Variants in DHX34 observed in about 807,000 individuals in gnomAD.
DHX34 encodes the protein DExH-box helicase 34, also known as probable ATP-dependent RNA helicase DHX34.
In DHX34, 96 loss-of-function variants were observed where a neutral mutation model predicts 111.1. That is an observed-to-expected ratio of 0.86 (90% CI 0.73 to 1.02). The LOEUF (loss-of-function observed/expected upper bound fraction) is 1.02. Ranked by LOEUF, DHX34 falls within the 50% of genes least tolerant of loss-of-function variation. DHX34 has a pLI of 0.00. For missense variants in DHX34, 1,560 were observed against 1,579.9 expected, an observed-to-expected ratio of 0.99 and a Z score of 0.21; for synonymous variants, 688 against 670.4, an observed-to-expected ratio of 1.03 and a Z score of -0.41.
chr19:47,369,974 C>A (rs1969915804), intron 7 of DHX34, among the ~76,000 whole-genome samples: 2 of 152,086 alleles, frequency 1.3e-5, no homozygotes, highest in Non-Finnish European at 1.5e-5. Context: ...TCCTCGTCCC[C>A]ACGCTGTGTC....
In DHX34 at chr19:47,360,669, T is replaced by TTTGTTG. The variant is rs58164248; in HGVS notation, c.1375+629_1375+634dup. Among the ~76,000 whole-genome samples, 944 of 149,112 alleles carry TTTGTTG rather than the reference T, an allele frequency of 6.3e-3. 10 individuals carry two copies. Among genetic ancestry groups the TTTGTTG allele is most frequent in the African/African-American group, 0.018 (704 of 39,306 alleles). ...TCATATGAGGGGGATTGACATTCTG[T>TTTGTTG]TTGTTGTTGTTGTTGTTGTTGTTGT... On this transcript the variant is annotated intron_variant, in intron 5 of 16. Coordinates refer to ENST00000328771, the MANE Select transcript of DHX34 (RefSeq NM_014681.6).
chr19:47,371,979 G>A (rs1292925906), intron 7 of DHX34, among the ~76,000 whole-genome samples: 1 of 151,322 alleles, frequency 6.6e-6, no homozygotes, highest in African/African-American at 2.4e-5. Flanking sequence ...GCGTCAGCTC[G>A]GGCGCCCAGA....
chr19:47,363,372 T>G (rs1969693987), intron 6 of DHX34, among the ~76,000 whole-genome samples: 1 of 150,256 alleles, frequency 6.7e-6, no homozygotes, highest in African/African-American at 2.4e-5. Context: ...ATTACAGCCA[T>G]GAGCCATTGT....
chr19:47,373,807 C>T, intron 9 of DHX34, 107 bp downstream of exon 9: 1 of 1,355,014 alleles, frequency 7.4e-7, no homozygotes, highest in Non-Finnish European at 1.0e-6. Flanking sequence ...ACCAGAATCC[C>T]ACCCTGCACC....
At position 47,372,794 on chromosome 19, in the gene DHX34, A is replaced by G. The variant is rs1245181796; in HGVS notation, c.1833A>G (p.Ala611=). Residue 611 remains alanine, a synonymous_variant, in exon 8 of 17, where the codon GCA becomes GCG. Coordinates refer to ENST00000328771, the MANE Select transcript of DHX34 (RefSeq NM_014681.6). ...LVEPVLTIAA[A]LSVQSPFTRS... ...AGCCTGTGCTCACCATCGCAGCCGC[A>G]CTTAGCGTCCAGTCGCCCTTCACCC... The G allele has an allele frequency of 3.1e-6, 5 of 1,612,688 alleles. No homozygotes were observed. The highest frequency in any genetic ancestry group is 1.7e-6 in the Non-Finnish European group (2 of 1,179,428).
intron 5 of DHX34, among the ~76,000 whole-genome samples, chr19:47,360,323 T>C (rs1331679134): frequency 6.6e-6 from 1 of 152,216 alleles, no homozygotes; most frequent in Admixed American, 6.5e-5. Flanking sequence ...GAGCATTTCA[T>C]TGGAGGGTCA....
Position 47,377,200 on chromosome 19 carries a change from C to G in DHX34, c.2700C>G (p.Ala900=), listed in dbSNP as rs368774474. 6.2e-7 allele frequency: 1 copy of G among 1,613,162 alleles called. No homozygotes were observed. The highest frequency in any genetic ancestry group is 8.5e-7 in the Non-Finnish European group (1 of 1,179,660). The change falls in exon 13 of 17, where the codon GCC becomes GCG. Residue 900 remains alanine, a synonymous_variant. Transcript: ENST00000328771. ...TGGTGAACTGCGTCCGCATCCCTGC[C>G]CTCCAGGTGGGCCTCTGCCCCACCC... ...PYLVNCVRIP[A]LQSLLLFSRS...
At position 47,379,691 on chromosome 19, in the gene DHX34, T is replaced by A; in HGVS notation, c.2707-19T>A. On this transcript the variant is annotated intron_variant, in intron 13 of 16. Coordinates refer to ENST00000328771, the MANE Select transcript of DHX34 (RefSeq NM_014681.6). ...TGCCCCTCCCACCTACTCCCTGTCT[T>A]CTGCCCCCTCTCTTTCAGTCCCTCC... 1 of 1,582,048 alleles carries A rather than the reference T, an allele frequency of 6.3e-7. No homozygotes were observed. Among genetic ancestry groups the A allele is most frequent in the Non-Finnish European group, 8.6e-7 (1 of 1,156,688 alleles).
chr19:47,360,120 A>G (rs1969583752), intron 5 of DHX34, 50 bp downstream of exon 5: 2 of 1,578,386 alleles, frequency 1.3e-6, no homozygotes, highest in Non-Finnish European at 1.7e-6. Flanking sequence ...ACTTAGGAGC[A>G]TGGGGTCCGG....
intron 6 of DHX34, among the ~76,000 whole-genome samples, chr19:47,365,025 C>T (rs1338614464): frequency 6.6e-6 from 1 of 152,060 alleles, no homozygotes; most frequent in Admixed American, 6.6e-5. Context: ...CTAGACTCCT[C>T]TGGCCAGTCT....
chr19:47,364,608 G>GGCACACACCTGTGGTCCCAC (rs1329904694), intron 6 of DHX34, among the ~76,000 whole-genome samples: 2 of 151,924 alleles, frequency 1.3e-5, no homozygotes, highest in African/African-American at 4.8e-5. Context: ...CCAGTGTGAT[G>GGCACACACCTGTGGTCCCAC]GCACACACCT....
At chr19:47,351,065 A>T (rs187846694) in intron 1 of DHX34, among the ~76,000 whole-genome samples, 24 of 152,250 alleles carry the variant, frequency 1.6e-4, no homozygotes, top group Middle Eastern at 3.4e-3. Context: ...CAGACAATCT[A>T]GAAGCCAAAA....
chr19:47,374,280 T>C (rs1970063786), intron 9 of DHX34, among the ~76,000 whole-genome samples: 1 of 151,656 alleles, frequency 6.6e-6, no homozygotes, highest in African/African-American at 2.4e-5. Context: ...CTTCTAAAAA[T>C]ACAAAAATTA....
At position 47,373,505 on chromosome 19, in the gene DHX34, G is replaced by C. The variant is rs1003339615; in HGVS notation, c.1963-94G>C. The C allele has an allele frequency of 7.3e-6, 11 of 1,511,358 alleles. No individual in the cohort carries two copies. In the Admixed American group the frequency reaches 1.0e-4, roughly 14 times the overall value. The allele number at this position is 1,511,358 out of a possible 1,614,324, so 93.6% of individuals were successfully genotyped here. On this transcript the variant is annotated intron_variant, in intron 8 of 16. Coordinates refer to ENST00000328771, the MANE Select transcript of DHX34 (RefSeq NM_014681.6). ...GAAGCAGGAGAGCAGGTGTCCCTGA[G>C]GGATGCCCATTTTGGGGCTCTGGGT... is the stretch of plus-strand genomic sequence containing the variant.
chr19:47,360,339 G>A (rs1387669168), intron 5 of DHX34, among the ~76,000 whole-genome samples: 1 of 152,196 alleles, frequency 6.6e-6, no homozygotes, highest in Non-Finnish European at 1.5e-5. Context: ...GGTCACGTTA[G>A]TGCTGAAAAC....
chr19:47,357,746 C>T (rs1474966587), intron 3 of DHX34, 120 bp from the exon 4 acceptor site: 10 of 1,455,652 alleles, frequency 6.9e-6, no homozygotes, highest in Middle Eastern at 2.4e-4. Context: ...AGCCTGGACC[C>T]GTTGCACTGT....
At position 47,358,124 on chromosome 19, in the gene DHX34, T is replaced by C; in HGVS notation, c.1272+4T>C. On this transcript the variant is annotated splice_donor_region_variant and intron_variant, in intron 4 of 16. Transcript: ENST00000328771. Reference sequence around the variant, plus strand: ...GTCTGTGGCCGACCAGGACAAGGTATCACAGGAAGCCCGAGTGGGGCAGGC... The same window carrying C: ...GTCTGTGGCCGACCAGGACAAGGTACCACAGGAAGCCCGAGTGGGGCAGGC... 1 of 1,600,978 alleles carries C rather than the reference T, an allele frequency of 6.2e-7. No homozygotes were observed. The highest frequency in any genetic ancestry group is 8.5e-7 in the Non-Finnish European group (1 of 1,169,854).
At chr19:47,375,766 T>TG (rs11452607) in intron 10 of DHX34, 58 bp downstream of exon 10, 82 of 1,558,386 alleles carry the variant, frequency 5.3e-5, no homozygotes, top group Admixed American at 1.6e-4. Flanking sequence ...TGGCCTCTCC[T>TG]GGGGGGGTCC....
In DHX34 at chr19:47,376,490, C is replaced by T. The variant is rs749568890; in HGVS notation, c.2529C>T (p.Cys843=). 1.5e-5 allele frequency: 24 copies of T among 1,608,490 alleles called. No homozygotes were observed. The highest frequency in any genetic ancestry group is 3.3e-5 in the South Asian group (3 of 90,102). Residue 843 remains cysteine (C), a synonymous_variant, in exon 12 of 17, where the codon TGC becomes TGT. Coordinates refer to ENST00000328771, the MANE Select transcript of DHX34 (RefSeq NM_014681.6). ...AGGGCGCCGTGCTGCACCCCACCTG[C>T]GTCTTCGCTGGCAGCCCCGAGGTGC... ...AKQGAVLHPT[C]VFAGSPEVLH... is the part of the protein sequence containing the mutation.
Sources: allele counts gnomAD v4.1 joint callset (sites outside exome capture counted in the v4.1 genomes callset), GRCh38; gene constraint gnomAD v4.1.1; transcripts MANE v1.5; gene names NCBI Gene and HGNC (gene_info 2026-07-23, HGNC 2026-07-21).